The following SPATA16 variants were observed in gnomAD, a reference collection of about 807,000 sequenced individuals.
SPATA16 encodes spermatogenesis associated 16.
SPATA16 carries 36 observed loss-of-function variants against 63.3 expected under a neutral mutation model. That is an observed-to-expected ratio of 0.57 (90% CI 0.44 to 0.75). The LOEUF (loss-of-function observed/expected upper bound fraction) is 0.75. SPATA16 is among the 30% of genes least tolerant of loss of function. The pLI is 0.00. For missense variants in SPATA16, 646 were observed against 679.3 expected, an observed-to-expected ratio of 0.95 and a Z score of 0.54; for synonymous variants, 203 against 216.7, an observed-to-expected ratio of 0.94 and a Z score of 0.56.
intron 3 of SPATA16, among the ~76,000 whole-genome samples, chr3:173,024,808 G>A (rs1260571405): frequency 6.7e-6 from 1 of 150,274 alleles, no homozygotes; most frequent in East Asian, 2.0e-4. Flanking sequence ...ATCAATATTT[G>A]TCCTCTCTGA....
intron 4 of SPATA16, among the ~76,000 whole-genome samples, chr3:173,014,364 A>G (rs1161440729): frequency 6.6e-6 from 1 of 152,246 alleles, no homozygotes; most frequent in Non-Finnish European, 1.5e-5. Context: ...GTTCTCACTT[A>G]TAAGTAGGAG....
intron 10 of SPATA16, among the ~76,000 whole-genome samples, chr3:172,902,528 A>G (rs1406730069): frequency 3.3e-5 from 5 of 152,364 alleles, no homozygotes; most frequent in East Asian, 1.9e-4. Context: ...CTTTATTAAT[A>G]TGATAAAGTG....
chr3:172,993,982 C>A (rs986407546), intron 4 of SPATA16, among the ~76,000 whole-genome samples: 1 of 152,106 alleles, frequency 6.6e-6, no homozygotes, highest in Non-Finnish European at 1.5e-5. Flanking sequence ...TAGGGAAATT[C>A]AAGTCATGGA....
intron 6 of SPATA16, among the ~76,000 whole-genome samples, chr3:172,936,102 T>C (rs999817739): frequency 6.6e-6 from 1 of 152,196 alleles, no homozygotes; most frequent in Non-Finnish European, 1.5e-5. Context: ...TCCTAGTTTC[T>C]GGCACAAAGC....
intron 2 of SPATA16, among the ~76,000 whole-genome samples, chr3:173,107,735 T>TGAAGTTGTATGTGTAG (rs1350132754): frequency 2.0e-5 from 3 of 152,140 alleles, no homozygotes; most frequent in African/African-American, 7.2e-5. Context: ...TGTTTAACTA[T>TGAAGTTGTATGTGTAG]GAAGTTGTAT....
At chr3:173,051,083 A>G (rs1227990790) in intron 2 of SPATA16, among the ~76,000 whole-genome samples, 3 of 152,264 alleles carry the variant, frequency 2.0e-5, no homozygotes, top group Non-Finnish European at 2.9e-5. Context: ...CCACAAAAGG[A>G]AGATTTTTAT....
At chr3:172,891,546 T>C (rs1055064785) in intron 10 of SPATA16, among the ~76,000 whole-genome samples, 1 of 152,220 alleles carries the variant, frequency 6.6e-6, no homozygotes, top group South Asian at 2.1e-4. Context: ...TTTAAACAGA[T>C]AAATCTGATC....
chr3:173,088,070 C>CTT (rs1398295795), intron 2 of SPATA16, among the ~76,000 whole-genome samples: 3 of 105,442 alleles, frequency 2.8e-5, no homozygotes, highest in Admixed American at 1.0e-4. Context: ...TTCTTTCTTT[C>CTT]TTTCTTTCTG....
chr3:172,924,451 C>T, intron 7 of SPATA16, 134 bp from the exon 8 acceptor site: 1 of 672,540 alleles, frequency 1.5e-6, no homozygotes, highest in Non-Finnish European at 2.6e-6. Context: ...CTAGTCCCAT[C>T]CCTAGACCAT....
chr3:173,005,693 A>G (rs983528142), intron 4 of SPATA16, among the ~76,000 whole-genome samples: 1 of 152,204 alleles, frequency 6.6e-6, no homozygotes, highest in Admixed American at 6.5e-5. Context: ...TGCAGGATGG[A>G]GAAATTAACA....
intron 6 of SPATA16, among the ~76,000 whole-genome samples, chr3:172,955,396 T>A (rs770621148): frequency 6.6e-6 from 1 of 152,220 alleles, no homozygotes; most frequent in Non-Finnish European, 1.5e-5. Context: ...AAAAAATCCT[T>A]TAAATATCCA....
chr3:173,019,991 T>TA (rs3085788), intron 3 of SPATA16, among the ~76,000 whole-genome samples: 3,315 of 143,390 alleles, frequency 0.023, 117 homozygotes, highest in African/African-American at 0.077. Context: ...GAATTTCAGT[T>TA]AAAAAAAAAA....
intron 4 of SPATA16, among the ~76,000 whole-genome samples, chr3:173,010,157 C>G (rs1394170681): frequency 1.3e-5 from 2 of 152,236 alleles, no homozygotes. Context: ...CCCTATTCTT[C>G]TGCCTCACCT....
chr3:172,983,181 TA>T (rs1204960715), intron 4 of SPATA16, among the ~76,000 whole-genome samples: 1 of 152,208 alleles, frequency 6.6e-6, no homozygotes, highest in East Asian at 1.9e-4. Context: ...CTGCTGGCTT[TA>T]GTTCTCTCTC....
intron 4 of SPATA16, among the ~76,000 whole-genome samples, chr3:173,003,057 C>G (rs1456479955): frequency 6.6e-6 from 1 of 152,036 alleles, no homozygotes; most frequent in African/African-American, 2.4e-5. Context: ...ATTTGATACA[C>G]TAAAACCAAG....
chr3:173,066,053 G>A (rs1736513018), intron 2 of SPATA16, among the ~76,000 whole-genome samples: 1 of 152,138 alleles, frequency 6.6e-6, no homozygotes, highest in East Asian at 1.9e-4. Context: ...CCAAATCCAG[G>A]CAGTGCTCCT....
At chr3:172,937,689 A>AAT (rs1733039805) in intron 6 of SPATA16, among the ~76,000 whole-genome samples, 1 of 152,172 alleles carries the variant, frequency 6.6e-6, no homozygotes. Flanking sequence ...GTAGAGTGTA[A>AAT]ATATATATAC....
chr3:173,125,686 C>A (rs1289117044), intron 1 of SPATA16, among the ~76,000 whole-genome samples: 1 of 152,114 alleles, frequency 6.6e-6, no homozygotes, highest in African/African-American at 2.4e-5. Context: ...AGTAATCAGC[C>A]CTACCAAGTT....
chr3:172,934,113 C>G (rs1439833449), intron 6 of SPATA16, among the ~76,000 whole-genome samples: 2 of 152,098 alleles, frequency 1.3e-5, no homozygotes, highest in South Asian at 4.1e-4. Flanking sequence ...TCTTTCTTGA[C>G]CTAAATTATA....
Sources: gnomAD v4.1 joint callset for allele counts (sites outside exome capture counted in the v4.1 genomes callset) on GRCh38, gnomAD v4.1.1 for gene constraint, MANE v1.5 for transcripts, NCBI Gene and HGNC (gene_info 2026-07-23, HGNC 2026-07-21) for gene names.